INVS: variants seen among roughly 807,000 people sequenced by gnomAD.
INVS encodes inversion of embryo turning homolog.
Under a neutral mutation model 108.8 loss-of-function variants are expected in INVS, and 86 were observed. That is an observed-to-expected ratio of 0.79 (90% CI 0.66 to 0.95). The LOEUF is 0.95. Among genes scored for constraint, INVS ranks in the 40% least tolerant of loss-of-function variants. The pLI is 0.00. For missense variants in INVS, 1,169 were observed against 1,297.4 expected (o/e 0.90, Z 1.52); for synonymous variants, 455 against 473.5 (o/e 0.96, Z 0.51).
At chr9:100,138,918 C>G (rs533424992) in intron 3 of INVS, among the ~76,000 whole-genome samples, 1 of 152,154 alleles carries the variant, frequency 6.6e-6, no homozygotes, top group Non-Finnish European at 1.5e-5. Context: ...GTTGGTCAGG[C>G]TGGTCTTGAA....
chr9:100,106,472 T>G (rs1433453959), intron 2 of INVS, among the ~76,000 whole-genome samples: 1 of 152,212 alleles, frequency 6.6e-6, no homozygotes, highest in East Asian at 1.9e-4. Flanking sequence ...ATTTTCAACT[T>G]TCCCTCACGA....
At chr9:100,255,918 G>C (rs978291909) in intron 10 of INVS, among the ~76,000 whole-genome samples, 1 of 152,138 alleles carries the variant, frequency 6.6e-6, no homozygotes, top group African/African-American at 2.4e-5. Flanking sequence ...TCAGGATGAT[G>C]CTGGCCTCAT....
At chr9:100,273,194 G>C (rs1833008453) in intron 12 of INVS, 118 bp downstream of exon 12, 2 of 782,918 alleles carry the variant, frequency 2.6e-6, no homozygotes, top group African/African-American at 1.7e-5. Context: ...AATTACTGTT[G>C]GTCCCTGCAA....
At chr9:100,176,037 T>A in intron 3 of INVS, 1 of 524,262 alleles carries the variant, frequency 1.9e-6, no homozygotes, top group South Asian at 1.5e-5. Context: ...TCCAAGAACA[T>A]GCAGCCTGAA....
chr9:100,207,772 C>T (rs1830717155), intron 3 of INVS, among the ~76,000 whole-genome samples: 1 of 151,984 alleles, frequency 6.6e-6, no homozygotes, highest in African/African-American at 2.4e-5. Context: ...TGTTGGTAAC[C>T]TTTTTTCTTA....
At chr9:100,126,175 G>C (rs1034366079) in intron 2 of INVS, among the ~76,000 whole-genome samples, 1 of 152,172 alleles carries the variant, frequency 6.6e-6, no homozygotes, top group Non-Finnish European at 1.5e-5. Context: ...CCTACTTTCA[G>C]TGTGAACATA....
At chr9:100,227,700 TAA>T (rs56736083) in intron 4 of INVS, among the ~76,000 whole-genome samples, 1 of 143,822 alleles carries the variant, frequency 7.0e-6, no homozygotes. Context: ...TAAGCCTGAT[TAA>T]AAAAAAAAAA....
At chr9:100,137,420 G>GT (rs1245026042) in intron 3 of INVS, among the ~76,000 whole-genome samples, 13 of 152,194 alleles carry the variant, frequency 8.5e-5, no homozygotes, top group Admixed American at 6.5e-4. Context: ...ATGATAACTT[G>GT]TTTTTTCACT....
chr9:100,189,360 A>C (rs1193186069), intron 3 of INVS, among the ~76,000 whole-genome samples: 2 of 146,494 alleles, frequency 1.4e-5, no homozygotes, highest in Admixed American at 6.8e-5. Context: ...AGACTTTTTG[A>C]TTTAGGCATT....
At chr9:100,236,668 C>G (rs1831695537) in intron 5 of INVS, among the ~76,000 whole-genome samples, 1 of 152,168 alleles carries the variant, frequency 6.6e-6, no homozygotes, top group Non-Finnish European at 1.5e-5. Flanking sequence ...ACCCTGTTTG[C>G]GTGGGTATCA....
chr9:100,222,026 G>A (rs899584563), intron 3 of INVS, among the ~76,000 whole-genome samples: 1 of 152,096 alleles, frequency 6.6e-6, no homozygotes, highest in South Asian at 2.1e-4. Flanking sequence ...GATAAAGGGG[G>A]ACTACTCTAT....
At chr9:100,298,075 TC>T (rs776334797) in intron 16 of INVS, 65 bp downstream of exon 16, 112 of 1,612,122 alleles carry the variant, frequency 6.9e-5, no homozygotes, top group Non-Finnish European at 9.3e-5. Context: ...CTTTGTTTCA[TC>T]CCCAAAGACA....
At chr9:100,135,232 C>T (rs962423658) in intron 3 of INVS, among the ~76,000 whole-genome samples, 8 of 152,136 alleles carry the variant, frequency 5.3e-5, no homozygotes, top group Admixed American at 2.6e-4. Flanking sequence ...TAAGGGAGGA[C>T]GGAACCAAGA....
intron 14 of INVS, 127 bp from the exon 15 acceptor site, chr9:100,296,790 T>G (rs1588153630): frequency 2.7e-6 from 2 of 740,784 alleles, no homozygotes; most frequent in African/African-American, 3.5e-5. Flanking sequence ...AAATTAGGAA[T>G]GGGAGCTTGA....
intron 3 of INVS, among the ~76,000 whole-genome samples, chr9:100,140,190 G>A (rs1588031822): frequency 6.6e-6 from 1 of 152,120 alleles, no homozygotes; most frequent in African/African-American, 2.4e-5. Context: ...TTTCATGCAC[G>A]TCTGTGTAAA....
intron 15 of INVS, 136 bp from the exon 16 acceptor site, chr9:100,297,798 CAT>C: frequency 3.6e-6 from 3 of 830,472 alleles, no homozygotes; most frequent in Non-Finnish European, 6.2e-6. Context: ...CCTGGGCCTA[CAT>C]GTTTCCACAC....
At chr9:100,167,689 C>T (rs1829410517) in intron 3 of INVS, among the ~76,000 whole-genome samples, 1 of 151,976 alleles carries the variant, frequency 6.6e-6, no homozygotes, top group Admixed American at 6.6e-5. Context: ...ATATAAACTC[C>T]CTGAAGTTGG....
At chr9:100,175,730 C>A in intron 3 of INVS, 1 of 627,586 alleles carries the variant, frequency 1.6e-6, no homozygotes, top group Non-Finnish European at 3.0e-6. Flanking sequence ...CAATGCAGAG[C>A]AACCAGACCT....
intron 4 of INVS, among the ~76,000 whole-genome samples, chr9:100,227,509 C>T (rs926961239): frequency 7.0e-6 from 1 of 143,700 alleles, no homozygotes; most frequent in African/African-American, 2.9e-5. Flanking sequence ...ATTATGTTGA[C>T]GAGAACAGCA....
Sources: gnomAD v4.1 joint callset for allele counts (sites outside exome capture counted in the v4.1 genomes callset) on GRCh38, gnomAD v4.1.1 for gene constraint, MANE v1.5 for transcripts, NCBI Gene and HGNC (gene_info 2026-07-23, HGNC 2026-07-21) for gene names.